ADRA1D: variants seen among roughly 807,000 people sequenced by gnomAD.
ADRA1D encodes alpha-1D adrenergic receptor.
Under a neutral mutation model 18.6 loss-of-function variants are expected in ADRA1D, and 22 were observed. The ratio of observed to expected loss-of-function variants is 1.19; its 90% CI spans 0.85 to 1.69. The LOEUF (loss-of-function observed/expected upper bound fraction) is 1.69. Ranked by LOEUF, ADRA1D falls within the 40% of genes most tolerant of loss-of-function variation. ADRA1D has a pLI of 0.00. For synonymous variants in ADRA1D, 376 were observed against 388.2 expected, an observed-to-expected ratio of 0.97 and a Z score of 0.37; for missense variants, 840 against 840.7, an observed-to-expected ratio of 1.00 and a Z score of 0.01.
rs556399439 is a variant in ADRA1D, at chr20:4,239,013, A to G, written c.1111+8834T>C. Among the ~76,000 whole-genome samples, 1 of 152,138 alleles carries G rather than the reference A, an allele frequency of 6.6e-6. No homozygotes were observed. Among genetic ancestry groups the G allele is most frequent in the South Asian group, 2.1e-4 (1 of 4,818 alleles). ...TGATGAGCAGGTGTAATGGGAACCA[A>G]GCAGGGAGGACAGGAGCAGATGGAC... On this transcript the variant is annotated intron_variant, in intron 1 of 1. Coordinates refer to ENST00000379453, the MANE Select transcript of ADRA1D (RefSeq NM_000678.4). The surrounding 1 kb of genome is among the most constrained non-coding windows in gnomAD (Gnocchi z 4.9).
rs1014348082 is a variant in ADRA1D, at chr20:4,249,129, C to T, written c.-172G>A. On this transcript the variant is annotated 5_prime_UTR_variant, in exon 1 of 2. Coordinates refer to ENST00000379453, the MANE Select transcript of ADRA1D (RefSeq NM_000678.4). The stretch of plus-strand genomic sequence containing the variant: ...CGCGGCTGTCCGAGAGCGGAGCTGC[C>T]TGGCCCGGGCGGCGGCCGGGCTCCC... 1.6e-4 allele frequency: 72 copies of T among 439,280 alleles called. 1 individual carries two copies. In the Admixed American group the frequency reaches 2.0e-3, roughly 12 times the overall value. The allele number at this position is 439,280 out of a possible 1,614,324, so 27.2% of individuals were successfully genotyped here. A position where few individuals can be genotyped will look rare whatever the true frequency, so the allele number is the denominator to read the frequency against.
At position 4,239,946 on chromosome 20, in the gene ADRA1D, T is replaced by C. The variant is rs539015856; in HGVS notation, c.1111+7901A>G. The stretch of plus-strand genomic sequence containing the variant: ...ATATCCCCACTTCAAGCCCCAGTGA[T>C]ATAATGGGTCCAGGCCATGGTCAAT... On this transcript the variant is annotated intron_variant, in intron 1 of 1. Transcript: ENST00000379453. The surrounding 1 kb of genome is among the most constrained non-coding windows in gnomAD (Gnocchi z 4.9). Among the ~76,000 whole-genome samples, 2 of 152,318 alleles carry C rather than the reference T, an allele frequency of 1.3e-5. No individual in the cohort carries two copies. The highest frequency in any genetic ancestry group is 3.9e-4 in the East Asian group (2 of 5,188).
At chr20:4,231,785 T>TTG in intron 1 of ADRA1D, among the ~76,000 whole-genome samples, 1 of 152,294 alleles carries the variant, frequency 6.6e-6, no homozygotes, top group African/African-American at 2.4e-5. Context: ...TGACATCACT[T>TTG]AAACAGAGAA....
chr20:4,237,134 T>C (rs1981110997), intron 1 of ADRA1D, among the ~76,000 whole-genome samples: 1 of 151,892 alleles, frequency 6.6e-6, no homozygotes, highest in African/African-American at 2.4e-5. Context: ...CGAGGAAGGC[T>C]GAGAAGGAGC....
At chr20:4,241,905 CAT>C (rs758400251) in intron 1 of ADRA1D, among the ~76,000 whole-genome samples, 1 of 152,210 alleles carries the variant, frequency 6.6e-6, no homozygotes, top group Non-Finnish European at 1.5e-5. Context: ...AAAGGCATAA[CAT>C]GTAGACAGTC....
At position 4,221,680 on chromosome 20, in the gene ADRA1D, A is replaced by C. The variant is rs1282004705; in HGVS notation, c.1562T>G (p.Ile521Ser). 1 of 1,612,252 alleles carries C rather than the reference A, an allele frequency of 6.2e-7. No individual in the cohort carries two copies. The highest frequency in any genetic ancestry group is 1.3e-5 in the African/African-American group (1 of 74,894). The change falls in exon 2 of 2, where the codon ATC becomes AGC. Residue 521 changes from isoleucine (I) to serine (S), a missense_variant. Ile to Ser is a moderately radical substitution (Grantham distance 142). Coordinates refer to ENST00000379453, the MANE Select transcript of ADRA1D (RefSeq NM_000678.4). The stretch of plus-strand genomic sequence containing the variant: ...TGCGCGCTGCGCGCCCCCGGCGCGG[A>C]TCTTGTGCGACAGGCTGGAGACTTT... ...RAKVSSLSHK[I>S]RAGGAQRAEA...
intron 1 of ADRA1D, among the ~76,000 whole-genome samples, chr20:4,246,074 C>T (rs1981330682): frequency 6.6e-6 from 1 of 152,048 alleles, no homozygotes; most frequent in Non-Finnish European, 1.5e-5. Context: ...AAGGGATTTG[C>T]CCACGGTTAC....
At chr20:4,238,630 AGT>A (rs1729839983) in intron 1 of ADRA1D, among the ~76,000 whole-genome samples, 1 of 152,218 alleles carries the variant, frequency 6.6e-6, no homozygotes, top group African/African-American at 2.4e-5. Flanking sequence ...GACTATGGAA[AGT>A]GTGACTTTTC....
intron 1 of ADRA1D, among the ~76,000 whole-genome samples, chr20:4,228,329 C>T (rs953618537): frequency 1.3e-5 from 2 of 152,186 alleles, no homozygotes; most frequent in Non-Finnish European, 2.9e-5. Flanking sequence ...TGTCCTCTGC[C>T]AGCTCTCTCC....
intron 1 of ADRA1D, among the ~76,000 whole-genome samples, chr20:4,243,542 C>T (rs1345276772): frequency 1.3e-5 from 2 of 152,224 alleles, no homozygotes; most frequent in African/African-American, 4.8e-5. Flanking sequence ...CAAAGTGGAG[C>T]ATCTCTGACT....
chr20:4,238,354 A>T (rs370793306), intron 1 of ADRA1D, among the ~76,000 whole-genome samples: 3 of 152,346 alleles, frequency 2.0e-5, no homozygotes, highest in South Asian at 4.1e-4. Context: ...AGTAGGTGAA[A>T]GGGAGGAAAA....
chr20:4,245,199 G>A (rs1411805397), intron 1 of ADRA1D, among the ~76,000 whole-genome samples: 5 of 152,202 alleles, frequency 3.3e-5, no homozygotes, highest in Admixed American at 6.5e-5. Flanking sequence ...CAGGATCAAC[G>A]CACTGTGGAA....
chr20:4,240,193 T>C (rs1165634811), intron 1 of ADRA1D, among the ~76,000 whole-genome samples: 1 of 152,142 alleles, frequency 6.6e-6, no homozygotes, highest in Non-Finnish European at 1.5e-5. Flanking sequence ...CAATCTGGTG[T>C]CTTCACTAAA....
Position 4,248,321 on chromosome 20 carries a change from C to T in ADRA1D, c.637G>A (p.Ala213Thr). 6.2e-7 allele frequency: 1 copy of T among 1,605,930 alleles called. No individual in the cohort carries two copies. Among genetic ancestry groups the T allele is most frequent in the Non-Finnish European group, 8.5e-7 (1 of 1,176,468 alleles). ...KYPAIMTERK[A>T]AAILALLWVV... ...CAGAGCAGGGCCAGGATGGCGGCCG[C>T]CTTGCGCTCGGTCATGATGGCTGGG... The change falls in exon 1 of 2, where the codon GCG (alanine) becomes ACG (threonine). Residue 213 changes from alanine to threonine, a missense_variant. Transcript: ENST00000379453.
In ADRA1D at chr20:4,221,705, TGGCGCGCAGCTGGGTCGTG is replaced by T. The variant is rs762221560; in HGVS notation, c.1518_1536del (p.Thr507LysfsTer32). The T allele has an allele frequency of 6.2e-7, 1 of 1,610,762 alleles. No homozygotes were observed. The highest frequency in any genetic ancestry group is 2.2e-5 in the East Asian group (1 of 44,846). ...ATCTTGTGCGACAGGCTGGAGACTTTGGCGCGCAGCTGGGTCGTGGGTCTCCGGAACGGCCCCAGCAGCC... is the reference window on the plus strand; with the variant it reads ...ATCTTGTGCGACAGGCTGGAGACTTTGGTCTCCGGAACGGCCCCAGCAGCC... On this transcript the variant is annotated frameshift_variant, in exon 2 of 2. Coordinates refer to ENST00000379453, the MANE Select transcript of ADRA1D (RefSeq NM_000678.4). LOFTEE classifies it low-confidence loss of function (END_TRUNC).
At chr20:4,237,630 G>A (rs1372461645) in intron 1 of ADRA1D, among the ~76,000 whole-genome samples, 5 of 150,852 alleles carry the variant, frequency 3.3e-5, no homozygotes. Context: ...GGTGGGAAAA[G>A]GTGTCCTAAT....
At chr20:4,240,291 G>C (rs888505841) in intron 1 of ADRA1D, among the ~76,000 whole-genome samples, 2 of 152,116 alleles carry the variant, frequency 1.3e-5, no homozygotes, top group Non-Finnish European at 2.9e-5. Context: ...TGCTCCTTCT[G>C]TGGATTCTGC....
chr20:4,237,028 T>C (rs6116270), intron 1 of ADRA1D, among the ~76,000 whole-genome samples: 146,737 of 152,224 alleles, frequency 0.96, 70,963 homozygotes, highest in East Asian at 1. Flanking sequence ...GAATACAGGC[T>C]GTCTGAGGGG....
At chr20:4,227,634 TAC>T (rs1980830114) in intron 1 of ADRA1D, among the ~76,000 whole-genome samples, 1 of 151,392 alleles carries the variant, frequency 6.6e-6, no homozygotes, top group Non-Finnish European at 1.5e-5. Context: ...CATCGTTGTC[TAC>T]CTGCAGTGCC....
Sources: allele counts gnomAD v4.1 joint callset (sites outside exome capture counted in the v4.1 genomes callset), GRCh38; gene constraint gnomAD v4.1.1; non-coding constraint Gnocchi (gnomAD v3.1); transcripts MANE v1.5; gene names NCBI Gene and HGNC (gene_info 2026-07-23, HGNC 2026-07-21).